The following NTNG1 variants were observed in gnomAD, a reference collection of about 807,000 sequenced individuals.
NTNG1 encodes netrin G1.
A neutral mutation model predicts 54.0 loss-of-function variants in NTNG1; 16 were observed. That is an observed-to-expected ratio of 0.30 (90% CI 0.20 to 0.45). The LOEUF (loss-of-function observed/expected upper bound fraction) is 0.45, where lower values mean the gene tolerates loss of function less well. Ranked by LOEUF, NTNG1 falls within the 20% of genes least tolerant of loss-of-function variation. The pLI, the probability that NTNG1 is intolerant of heterozygous loss-of-function variation, is 1.00. For synonymous variants in NTNG1, 255 were observed against 263.1 expected (o/e 0.97, Z 0.30); for missense variants, 530 against 678.7 (o/e 0.78, Z 2.43).
At chr1:107,379,674 G>A (rs1671520702) in intron 3 of NTNG1, among the ~76,000 whole-genome samples, 1 of 152,108 alleles carries the variant, frequency 6.6e-6, no homozygotes, top group Admixed American at 6.5e-5. Context: ...ATGATAGCAA[G>A]CACTATGTGT....
chr1:107,257,630 T>G (rs1390249552), intron 2 of NTNG1, among the ~76,000 whole-genome samples: 1 of 152,186 alleles, frequency 6.6e-6, no homozygotes, highest in African/African-American at 2.4e-5. Flanking sequence ...CGCAGCCAAT[T>G]TGATCCCTGC....
At chr1:107,153,662 A>T (rs889152923) in intron 2 of NTNG1, among the ~76,000 whole-genome samples, 3 of 152,200 alleles carry the variant, frequency 2.0e-5, no homozygotes, top group Non-Finnish European at 4.4e-5. Flanking sequence ...TTCCTTTTTG[A>T]GGAGCCTACA....
At chr1:107,271,855 C>T (rs139202001) in intron 2 of NTNG1, among the ~76,000 whole-genome samples, 24 of 152,218 alleles carry the variant, frequency 1.6e-4, no homozygotes, top group African/African-American at 4.6e-4. Flanking sequence ...AAATCTAGGG[C>T]ATACACTGTC....
intron 7 of NTNG1, among the ~76,000 whole-genome samples, chr1:107,450,276 G>A (rs1676542599): frequency 6.6e-6 from 1 of 152,052 alleles, no homozygotes; most frequent in African/African-American, 2.4e-5. Context: ...GTCTGTTATT[G>A]TTGCACAGAC....
chr1:107,376,581 G>GT (rs1671277085), intron 3 of NTNG1, among the ~76,000 whole-genome samples: 2 of 152,134 alleles, frequency 1.3e-5, no homozygotes, highest in Admixed American at 6.5e-5. Flanking sequence ...CCACTCTGCC[G>GT]TGCCACCTTA....
intron 3 of NTNG1, among the ~76,000 whole-genome samples, chr1:107,382,714 A>G (rs1671720710): frequency 6.6e-6 from 1 of 152,198 alleles, no homozygotes; most frequent in Admixed American, 6.5e-5. Context: ...TTGACAAATA[A>G]GATCAGATTC....
At chr1:107,469,205 T>C (rs975354751) in intron 7 of NTNG1, among the ~76,000 whole-genome samples, 1 of 152,204 alleles carries the variant, frequency 6.6e-6, no homozygotes, top group Non-Finnish European at 1.5e-5. Context: ...GTGTATATTG[T>C]TTCATGAAGA....
intron 2 of NTNG1, among the ~76,000 whole-genome samples, chr1:107,201,101 T>C (rs2101285835): frequency 6.6e-6 from 1 of 151,968 alleles, no homozygotes; most frequent in Non-Finnish European, 1.5e-5. Context: ...ATATCTATAT[T>C]ATCCTCAAAA....
intron 2 of NTNG1, among the ~76,000 whole-genome samples, chr1:107,271,816 T>G (rs1047555400): frequency 6.6e-6 from 1 of 152,208 alleles, no homozygotes; most frequent in Non-Finnish European, 1.5e-5. Context: ...CAATCATGTT[T>G]GCTTCATGAA....
At chr1:107,464,109 A>T (rs1271337313) in intron 7 of NTNG1, among the ~76,000 whole-genome samples, 1 of 152,148 alleles carries the variant, frequency 6.6e-6, no homozygotes, top group Non-Finnish European at 1.5e-5. Context: ...CCCTTTAGTT[A>T]ACATAAATAG....
rs1008619158 is a variant in NTNG1, at chr1:107,249,273, G to A, written c.247-75009G>A. On this transcript the variant is annotated intron_variant, in intron 2 of 7. Coordinates refer to ENST00000370068, the MANE Select transcript of NTNG1 (RefSeq NM_001113226.3). ...GGCTCAGATGGGCGGATCACCTGAG[G>A]TCATGAGTTCGAGACCAGCCTCAAC... Among the ~76,000 whole-genome samples the A allele has an allele frequency of 4.6e-5, 7 of 151,950 alleles. No homozygotes were observed. The Middle Eastern group carries it at 0.014, about 297-fold the overall frequency.
chr1:107,437,418 C>T (rs1675673762), intron 7 of NTNG1, among the ~76,000 whole-genome samples: 1 of 152,198 alleles, frequency 6.6e-6, no homozygotes, highest in Non-Finnish European at 1.5e-5. Flanking sequence ...GTCTTCAAAG[C>T]TTGTCAAGGC....
intron 2 of NTNG1, among the ~76,000 whole-genome samples, chr1:107,154,923 G>A (rs1158195361): frequency 6.6e-6 from 1 of 152,030 alleles, no homozygotes; most frequent in Non-Finnish European, 1.5e-5. Flanking sequence ...CGAATGCAGA[G>A]ATGCAACATT....
At chr1:107,199,272 T>A (rs942971901) in intron 2 of NTNG1, among the ~76,000 whole-genome samples, 1 of 7,182 alleles carries the variant, frequency 1.4e-4, no homozygotes, top group African/African-American at 3.6e-4. Flanking sequence ...ACCAATTTTA[T>A]TACTTCTTTT....
intron 7 of NTNG1, among the ~76,000 whole-genome samples, chr1:107,473,858 T>C (rs1678139621): frequency 1.3e-5 from 2 of 152,244 alleles, no homozygotes; most frequent in Admixed American, 6.5e-5. Context: ...CTTCATCTTT[T>C]GGCCACGTAA....
chr1:107,335,786 A>G (rs775093376), intron 3 of NTNG1, among the ~76,000 whole-genome samples: 8 of 151,984 alleles, frequency 5.3e-5, no homozygotes, highest in Non-Finnish European at 1.2e-4. Flanking sequence ...GCTTCTATAC[A>G]CTAACAATGA....
At chr1:107,452,545 G>T (rs1676690838) in intron 7 of NTNG1, among the ~76,000 whole-genome samples, 1 of 152,170 alleles carries the variant, frequency 6.6e-6, no homozygotes, top group African/African-American at 2.4e-5. Flanking sequence ...CATGGGGGTA[G>T]ATCCCTCATG....
intron 7 of NTNG1, among the ~76,000 whole-genome samples, chr1:107,462,778 AC>A (rs1677355782): frequency 6.6e-6 from 1 of 152,250 alleles, no homozygotes; most frequent in Non-Finnish European, 1.5e-5. Context: ...CAACAGAGTT[AC>A]CATTTGTTGG....
chr1:107,149,742 G>C (rs1407553676), intron 2 of NTNG1, among the ~76,000 whole-genome samples: 12 of 151,876 alleles, frequency 7.9e-5, no homozygotes, highest in Admixed American at 7.9e-4. Context: ...GTGCTAAAGA[G>C]TTCAGATGGT....
Sources: gnomAD v4.1 joint callset for allele counts (sites outside exome capture counted in the v4.1 genomes callset) on GRCh38, gnomAD v4.1.1 for gene constraint, MANE v1.5 for transcripts, NCBI Gene and HGNC (gene_info 2026-07-23, HGNC 2026-07-21) for gene names.